The following TRPS1 variants were observed in gnomAD, a reference collection of about 807,000 sequenced individuals.
The protein encoded by TRPS1 is zinc finger transcription factor Trps1.
Under a neutral mutation model 101.2 loss-of-function variants are expected in TRPS1, and 6 were observed. That is an observed-to-expected ratio of 0.06 (90% CI 0.03 to 0.12). The LOEUF (loss-of-function observed/expected upper bound fraction) is 0.12. TRPS1 is among the 10% of genes least tolerant of loss of function. TRPS1 has a pLI of 1.00. For synonymous variants in TRPS1, 578 were observed against 589.8 expected (o/e 0.98, Z 0.29); for missense variants, 1,363 against 1,567.0 (o/e 0.87, Z 2.20).
intron 3 of TRPS1, among the ~76,000 whole-genome samples, chr8:115,615,198 A>G (rs1416182555): frequency 1.3e-5 from 2 of 152,250 alleles, no homozygotes; most frequent in Non-Finnish European, 1.5e-5. Flanking sequence ...AGTCCTGAAT[A>G]ATGCAGTAAT....
At chr8:115,477,338 C>T (rs1814632183) in intron 5 of TRPS1, among the ~76,000 whole-genome samples, 1 of 152,152 alleles carries the variant, frequency 6.6e-6, no homozygotes, top group South Asian at 2.1e-4. Flanking sequence ...GTACCAATGT[C>T]CTATTGTAAT....
At chr8:115,566,250 T>A (rs562593488) in intron 5 of TRPS1, among the ~76,000 whole-genome samples, 2 of 152,164 alleles carry the variant, frequency 1.3e-5, no homozygotes, top group Non-Finnish European at 2.9e-5. Context: ...ATGGCCTTGA[T>A]AGAAGAGCCT....
intron 3 of TRPS1, among the ~76,000 whole-genome samples, chr8:115,610,219 G>A (rs1330013043): frequency 6.6e-6 from 1 of 151,920 alleles, no homozygotes; most frequent in Non-Finnish European, 1.5e-5. Flanking sequence ...AGTCAAAGAG[G>A]TAAAAGCTTA....
In TRPS1 at chr8:115,580,205, T is replaced by G. The variant is rs553945797; in HGVS notation, c.2700+6796A>C. On this transcript the variant is annotated intron_variant, in intron 5 of 6. Transcript: ENST00000395715. Reference sequence around the variant, plus strand: ...TGCTTACAAACACTTAAGGAAAGTTTTGAACAGTATCTAATGGAAGGGAGA... The same window carrying G: ...TGCTTACAAACACTTAAGGAAAGTTGTGAACAGTATCTAATGGAAGGGAGA... Among the ~76,000 whole-genome samples, 38 of 147,454 alleles carry G rather than the reference T, an allele frequency of 2.6e-4. No individual in the cohort carries two copies. In the South Asian group the frequency reaches 7.5e-3, roughly 29 times the overall value.
chr8:115,452,550 A>G (rs1586287476), intron 5 of TRPS1, among the ~76,000 whole-genome samples: 1 of 152,336 alleles, frequency 6.6e-6, no homozygotes, highest in Admixed American at 6.5e-5. Flanking sequence ...CAGATATAAG[A>G]CAGTTTGCAG....
At chr8:115,663,654 C>A (rs1811856881) in intron 1 of TRPS1, among the ~76,000 whole-genome samples, 1 of 146,618 alleles carries the variant, frequency 6.8e-6, no homozygotes, top group African/African-American at 2.6e-5. Context: ...AAATGATGCT[C>A]CAAATTTGAA....
At chr8:115,504,344 C>G (rs1026887655) in intron 5 of TRPS1, among the ~76,000 whole-genome samples, 1 of 152,146 alleles carries the variant, frequency 6.6e-6, no homozygotes, top group Non-Finnish European at 1.5e-5. Flanking sequence ...GTTGCAAATT[C>G]TATATTTGCA....
Position 115,619,805 on chromosome 8 carries a change from C to T in TRPS1, c.293G>A (p.Gly98Asp). 1 of 1,614,184 alleles carries T rather than the reference C, an allele frequency of 6.2e-7. No homozygotes were observed. The highest frequency in any genetic ancestry group is 1.1e-5 in the South Asian group (1 of 91,080). ...CTTACTGGGGCTTTCATAATTGAAG[C>T]CAGCCTTCTCACTCAGAACTGCGCT... is the stretch of plus-strand genomic sequence containing the variant. ...LKSAVLSEKA[G>D]FNYESPSKGG... The change falls in exon 3 of 7, where the codon GGC becomes GAC. Residue 98 changes from glycine to aspartate, a missense_variant. This residue lies in a region of TRPS1 where 1,020 missense variants were observed against 1,073.0 expected (regional missense o/e 0.95). Transcript: ENST00000395715.
At chr8:115,641,367 A>G (rs561061570) in intron 1 of TRPS1, among the ~76,000 whole-genome samples, 4 of 152,308 alleles carry the variant, frequency 2.6e-5, no homozygotes, top group African/African-American at 7.2e-5. Context: ...GGAATATTCC[A>G]TTTTAGCAAA....
intron 5 of TRPS1, among the ~76,000 whole-genome samples, chr8:115,541,508 T>G (rs891114575): frequency 1.3e-5 from 2 of 152,228 alleles, no homozygotes; most frequent in African/African-American, 4.8e-5. Context: ...TCCAAACTTA[T>G]ATCCATAATT....
chr8:115,538,715 T>C (rs1244436573), intron 5 of TRPS1, among the ~76,000 whole-genome samples: 1 of 152,178 alleles, frequency 6.6e-6, no homozygotes, highest in African/African-American at 2.4e-5. Flanking sequence ...TGTTTTCTAA[T>C]ATTCTAATTT....
rs370947542 is a variant in TRPS1, at chr8:115,444,596, A to G, written c.2701-26144T>C. ...ATAAACTTGACTATATCTCCCACTAACCTATGAGCTTCTAGAGGGCAAAGA... is the reference window on the plus strand; with the variant it reads ...ATAAACTTGACTATATCTCCCACTAGCCTATGAGCTTCTAGAGGGCAAAGA... On this transcript the variant is annotated intron_variant, in intron 5 of 6. Transcript: ENST00000395715. 2.3e-4 allele frequency among the ~76,000 whole-genome samples: 35 copies of G among 152,212 alleles called. 1 individual carries two copies. In the South Asian group the frequency reaches 7.3e-3, roughly 32 times the overall value.
chr8:115,631,591 G>GTT (rs772338254), intron 1 of TRPS1, among the ~76,000 whole-genome samples: 1 of 151,952 alleles, frequency 6.6e-6, no homozygotes, highest in Non-Finnish European at 1.5e-5. Flanking sequence ...CTTCCTCACA[G>GTT]TGACAGGCCT....
Position 115,569,304 on chromosome 8 carries a change from A to G in TRPS1, c.2700+17697T>C, listed in dbSNP as rs549622653. Among the ~76,000 whole-genome samples the G allele has an allele frequency of 1.5e-4, 23 of 152,250 alleles. 1 individual carries two copies. The South Asian group carries it at 3.1e-3, about 21-fold the overall frequency. On this transcript the variant is annotated intron_variant, in intron 5 of 6. Transcript: ENST00000395715. ...GAACAGAAGAGCAGAATACTTCACCAGCTTTATTTCCATACAGCTATACCC... is the reference window on the plus strand; with the variant it reads ...GAACAGAAGAGCAGAATACTTCACCGGCTTTATTTCCATACAGCTATACCC...
In TRPS1 at chr8:115,413,151, A is replaced by C. The variant is rs1261219001; in HGVS notation, c.*872T>G. ...TCCTTTAGTTATAATGTGCCAAGTG[A>C]GATTAGTAACCAACAGGAGGCTTAG... On this transcript the variant is annotated 3_prime_UTR_variant, in exon 7 of 7. Coordinates refer to ENST00000395715, the MANE Select transcript of TRPS1 (RefSeq NM_014112.5). 1 of 152,140 alleles carries C rather than the reference A, an allele frequency of 6.6e-6. No homozygotes were observed. The highest frequency in any genetic ancestry group is 1.5e-5 in the Non-Finnish European group (1 of 68,008). The allele number at this position is 152,140 out of a possible 1,614,324, so 9.4% of individuals were successfully genotyped here. A position where few individuals can be genotyped will look rare whatever the true frequency, so the allele number is the denominator to read the frequency against.
At chr8:115,583,762 T>C (rs1289973455) in intron 5 of TRPS1, among the ~76,000 whole-genome samples, 1 of 152,018 alleles carries the variant, frequency 6.6e-6, no homozygotes, top group Non-Finnish European at 1.5e-5. Flanking sequence ...CACAGAGGCA[T>C]ATGCAACTGA....
chr8:115,483,930 C>T (rs1351187403), intron 5 of TRPS1, among the ~76,000 whole-genome samples: 1 of 152,100 alleles, frequency 6.6e-6, no homozygotes, highest in Non-Finnish European at 1.5e-5. Context: ...CTACAGAGAA[C>T]AGGAGAGGAT....
chr8:115,512,264 GAA>G (rs1354042340), intron 5 of TRPS1, among the ~76,000 whole-genome samples: 1 of 151,634 alleles, frequency 6.6e-6, no homozygotes, highest in Non-Finnish European at 1.5e-5. Context: ...AAAAAGGAGA[GAA>G]GTTTTTTAGG....
chr8:115,525,933 T>C (rs1022206380), intron 5 of TRPS1, among the ~76,000 whole-genome samples: 1 of 152,116 alleles, frequency 6.6e-6, no homozygotes, highest in Admixed American at 6.6e-5. Flanking sequence ...GTTAAGCAAA[T>C]CTTTCAGCTA....
Sources: gnomAD v4.1 joint callset for allele counts (sites outside exome capture counted in the v4.1 genomes callset) on GRCh38, gnomAD v4.1.1 for gene constraint, gnomAD v4.1.1 regional missense constraint, MANE v1.5 for transcripts, NCBI Gene and HGNC (gene_info 2026-07-23, HGNC 2026-07-21) for gene names.